Variants in TTLL9 observed in about 807,000 individuals in gnomAD.
TTLL9 encodes probable tubulin polyglutamylase TTLL9.
In TTLL9, 47 loss-of-function variants were observed where a neutral mutation model predicts 65.6. That is an observed-to-expected ratio of 0.72 (90% CI 0.57 to 0.91). The LOEUF is 0.91. Ranked by LOEUF, TTLL9 falls within the 40% of genes least tolerant of loss-of-function variation. The pLI is 0.00. For missense variants in TTLL9, 537 were observed against 568.8 expected (o/e 0.94, Z 0.57); for synonymous variants, 179 against 204.8 (o/e 0.87, Z 1.07).
intron 8 of TTLL9, among the ~76,000 whole-genome samples, chr20:31,924,715 C>G (rs1322355057): frequency 1.3e-5 from 2 of 152,048 alleles, no homozygotes; most frequent in Non-Finnish European, 2.9e-5. Context: ...TCCAGAGTAG[C>G]TGAGACTACA....
At chr20:31,931,080 T>C (rs1178475320) in intron 10 of TTLL9, among the ~76,000 whole-genome samples, 1,501 of 133,192 alleles carry the variant, frequency 0.011, 23 homozygotes, top group African/African-American at 0.049. Flanking sequence ...CTCTTTTCCT[T>C]TTTTTTTTTT....
chr20:31,934,600 G>A (rs1600623893), intron 11 of TTLL9, 92 bp from the exon 12 acceptor site: 2 of 1,234,080 alleles, frequency 1.6e-6, no homozygotes, highest in East Asian at 2.5e-5. Context: ...CCAGGTCTAA[G>A]GGAAACACTG....
chr20:31,882,043 G>A (rs150431116), intron 2 of TTLL9, among the ~76,000 whole-genome samples: 1 of 152,156 alleles, frequency 6.6e-6, no homozygotes, highest in Non-Finnish European at 1.5e-5. Context: ...ATGACCCAGG[G>A]GAAATAGGAG....
At chr20:31,923,962 G>C (rs2063853942) in intron 8 of TTLL9, among the ~76,000 whole-genome samples, 1 of 151,994 alleles carries the variant, frequency 6.6e-6, no homozygotes, top group African/African-American at 2.4e-5. Flanking sequence ...CATCCGTCTT[G>C]GGCATCTGCC....
chr20:31,943,134 C>A lies in TTLL9; in HGVS notation c.*113C>A. On this transcript the variant is annotated 3_prime_UTR_variant, in exon 15 of 15. Transcript: ENST00000535842. The stretch of plus-strand genomic sequence containing the variant: ...ATTCGCCTCCCCACCTCCAGCCTGG[C>A]ACCAGCTTTGCTGGCTTAGCAGCTG... The A allele has an allele frequency of 1.9e-6, 2 of 1,034,328 alleles. No homozygotes were observed. The highest frequency in any genetic ancestry group is 3.0e-6 in the Non-Finnish European group (2 of 673,084). The allele number at this position is 1,034,328 out of a possible 1,614,324, so 64.1% of individuals were successfully genotyped here.
At position 31,914,849 on chromosome 20, in the gene TTLL9, G is replaced by A. The variant is rs115586184; in HGVS notation, c.504+4927G>A. Among the ~76,000 whole-genome samples the A allele has an allele frequency of 3.0e-3, 463 of 152,292 alleles. 2 individuals are homozygous for A. Among genetic ancestry groups the A allele is most frequent in the African/African-American group, 0.011 (447 of 41,554 alleles). On this transcript the variant is annotated intron_variant, in intron 6 of 14. Transcript: ENST00000535842. ...TGACTGGGAGCAGCCCTAGCAAGAC[G>A]CCCTGGCAAACACTGCTAGACCTCA...
chr20:31,920,493 A>G (rs2063800750), intron 7 of TTLL9, among the ~76,000 whole-genome samples: 1 of 152,212 alleles, frequency 6.6e-6, no homozygotes, highest in African/African-American at 2.4e-5. Flanking sequence ...TGGTCTTGGG[A>G]AAATGACCGA....
rs1555829439 is a variant in TTLL9 at position 31,912,605 on chromosome 20, G to GTGTGTGCGTGTATTTGTA, written c.504+2689_504+2690insCGTGTATTTGTATGTGTG. On this transcript the variant is annotated intron_variant, in intron 6 of 14. Coordinates refer to ENST00000535842, the MANE Select transcript of TTLL9 (RefSeq NM_001008409.5). ...TGTGTGTGTGTGCGTGTATGTGTATGTGTGTGTGTGTGTGTGTGTGTGTGT... is the reference window on the plus strand; with the variant it reads ...TGTGTGTGTGTGCGTGTATGTGTATGTGTGTGCGTGTATTTGTATGTGTGTGTGTGTGTGTGTGTGTGT... 6.1e-4 allele frequency among the ~76,000 whole-genome samples: 14 copies of GTGTGTGCGTGTATTTGTA among 22,840 alleles called. No homozygotes were observed. In the African/African-American group the frequency reaches 7.9e-3, roughly 13 times the overall value. The allele number at this position is 22,840 out of a possible 152,430, so 15.0% of individuals were successfully genotyped here.
chr20:31,908,500 C>G (rs1179555058), intron 4 of TTLL9, 91 bp from the exon 5 acceptor site: 2 of 830,280 alleles, frequency 2.4e-6, no homozygotes, highest in East Asian at 5.2e-5. Flanking sequence ...GTGTACCCTT[C>G]CTCAAGCCCC....
At position 31,938,251 on chromosome 20, in the gene TTLL9, T is replaced by C. The variant is rs1406937832; in HGVS notation, c.1118+742T>C. The C allele has an allele frequency of 8.8e-6, 4 of 456,650 alleles. No homozygotes were observed. The East Asian group carries it at 2.8e-4, about 32-fold the overall frequency. 28.3% of individuals were successfully genotyped at this position (456,650 alleles called of 1,614,324 possible). A position where few individuals can be genotyped will look rare whatever the true frequency, so the allele number is the denominator to read the frequency against. On this transcript the variant is annotated intron_variant, in intron 13 of 14. Transcript: ENST00000535842. The stretch of plus-strand genomic sequence containing the variant: ...CCATTCCTAAACCACTCACTGTGAC[T>C]CTGCTTGACCAGGTATAGTTCTTGT...
intron 2 of TTLL9, chr20:31,879,863 G>T: frequency 1.3e-6 from 2 of 1,550,354 alleles, no homozygotes; most frequent in Non-Finnish European, 1.7e-6. Flanking sequence ...GTTTGGATCT[G>T]GCCCCTGGGG....
intron 8 of TTLL9, among the ~76,000 whole-genome samples, chr20:31,924,465 T>C (rs2063861940): frequency 6.6e-6 from 1 of 152,176 alleles, no homozygotes; most frequent in East Asian, 1.9e-4. Flanking sequence ...CTTGTCTCCA[T>C]GAAGGTCACC....
intron 2 of TTLL9, chr20:31,872,862 C>T: frequency 2.4e-6 from 1 of 423,900 alleles, no homozygotes; most frequent in Admixed American, 2.5e-5. Context: ...CGGTTCAGGG[C>T]CGGAGCATGC....
chr20:31,908,369 A>T (rs1419617305), intron 4 of TTLL9, among the ~76,000 whole-genome samples: 1 of 152,160 alleles, frequency 6.6e-6, no homozygotes. Context: ...AGCTCAAGGG[A>T]AGCCAACCAC....
At chr20:31,905,573 A>ACATCTGTGCACGGTGTGTGCACAGAT (rs2063543026) in intron 4 of TTLL9, among the ~76,000 whole-genome samples, 1 of 152,068 alleles carries the variant, frequency 6.6e-6, no homozygotes, top group Non-Finnish European at 1.5e-5. Flanking sequence ...TCACGTCACC[A>ACATCTGTGCACGGTGTGTGCACAGAT]CATCTGTGCA....
chr20:31,900,086 A>G (rs906851793), intron 4 of TTLL9, among the ~76,000 whole-genome samples: 7 of 152,142 alleles, frequency 4.6e-5, no homozygotes, highest in African/African-American at 1.7e-4. Context: ...GTTTTTATTC[A>G]GGGAAATACA....
intron 3 of TTLL9, among the ~76,000 whole-genome samples, chr20:31,888,629 G>A (rs547417926): frequency 6.6e-5 from 10 of 152,158 alleles, no homozygotes; most frequent in African/African-American, 1.9e-4. Flanking sequence ...CCGCCACCAC[G>A]CCTGGCTAAT....
chr20:31,897,641 G>T (rs1193962235), intron 3 of TTLL9, among the ~76,000 whole-genome samples: 2 of 152,192 alleles, frequency 1.3e-5, no homozygotes, highest in South Asian at 2.1e-4. Context: ...CTGCAGTGGG[G>T]GTGGGAGGCT....
chr20:31,940,947 G>T (rs1469039315), intron 14 of TTLL9: 1 of 152,224 alleles, frequency 6.6e-6, no homozygotes, highest in African/African-American at 2.4e-5. Flanking sequence ...GCCGGGCGCG[G>T]TGGCTCACGC....
Sources: allele counts gnomAD v4.1 joint callset (sites outside exome capture counted in the v4.1 genomes callset), GRCh38; gene constraint gnomAD v4.1.1; transcripts MANE v1.5; gene names NCBI Gene and HGNC (gene_info 2026-07-23, HGNC 2026-07-21).